Variants in CCDC6 observed in about 807,000 individuals in gnomAD.
CCDC6 encodes coiled-coil domain-containing protein 6.
In CCDC6, 20 loss-of-function variants were observed where a neutral mutation model predicts 56.6. That is an observed-to-expected ratio of 0.35 (90% CI 0.25 to 0.51). The LOEUF is 0.51. Ranked by LOEUF, CCDC6 falls within the 20% of genes least tolerant of loss-of-function variation. The pLI is 0.95. For synonymous variants in CCDC6, 241 were observed against 234.4 expected (o/e 1.03, Z -0.26); for missense variants, 367 against 601.1 (o/e 0.61, Z 4.07).
intron 1 of CCDC6, among the ~76,000 whole-genome samples, chr10:59,879,143 T>C (rs1204589224): frequency 2.0e-5 from 3 of 152,176 alleles, no homozygotes; most frequent in Non-Finnish European, 4.4e-5. Context: ...AAGGTCCACA[T>C]GACTTGACAA....
intron 1 of CCDC6, among the ~76,000 whole-genome samples, chr10:59,903,165 G>T (rs980698606): frequency 6.6e-6 from 1 of 152,192 alleles, no homozygotes. Context: ...GGGAGGGAAA[G>T]ATGAACAGAG....
intron 1 of CCDC6, among the ~76,000 whole-genome samples, chr10:59,858,347 T>C (rs974823401): frequency 6.6e-6 from 1 of 152,216 alleles, no homozygotes; most frequent in African/African-American, 2.4e-5. Context: ...ATTCATATTA[T>C]TTACTCCATT....
chr10:59,856,418 C>A (rs903018285), intron 1 of CCDC6, among the ~76,000 whole-genome samples: 3 of 151,772 alleles, frequency 2.0e-5, no homozygotes, highest in Non-Finnish European at 4.4e-5. Context: ...AGAGAATGAA[C>A]CATGCATCAT....
rs538887936 is a variant in CCDC6 at position 59,869,117 on chromosome 10, A to G, written c.304-16415T>C. ...TTCAAAAGCCAATGGGAGCCATAGG[A>G]AAGAGCACACTTCATCCCTACCACG... On this transcript the variant is annotated intron_variant, in intron 1 of 8. Coordinates refer to ENST00000263102, the MANE Select transcript of CCDC6 (RefSeq NM_005436.5). 9.2e-5 allele frequency among the ~76,000 whole-genome samples: 14 copies of G among 152,184 alleles called. No individual in the cohort carries two copies. The East Asian group carries it at 2.3e-3, about 25-fold the overall frequency.
chr10:59,864,574 A>T (rs2071161580), intron 1 of CCDC6, among the ~76,000 whole-genome samples: 1 of 152,146 alleles, frequency 6.6e-6, no homozygotes, highest in Non-Finnish European at 1.5e-5. Context: ...TTCTGCCAGA[A>T]CAAGCTTACT....
At position 59,906,444 on chromosome 10, in the gene CCDC6, AAGG is replaced by A. The variant is rs773935603; in HGVS notation, c.-23_-21del. The A allele has an allele frequency of 1.0e-5, 15 of 1,492,724 alleles. No individual in the cohort carries two copies. In the Admixed American group the frequency reaches 1.6e-4, roughly 16 times the overall value. The allele number at this position is 1,492,724 out of a possible 1,614,324, so 92.5% of individuals were successfully genotyped here. A position where few individuals can be genotyped will look rare whatever the true frequency, so the allele number is the denominator to read the frequency against. On this transcript the variant is annotated 5_prime_UTR_variant, in exon 1 of 9. Transcript: ENST00000263102. ...CGCCATGGCCGCGGCGGGCTGGGGAAAGGAGGAGGAGCAGCAGGGAGGCGGCGG... is the reference window on the plus strand; with the variant it reads ...CGCCATGGCCGCGGCGGGCTGGGGAAAGGAGGAGCAGCAGGGAGGCGGCGG...
chr10:59,832,555 G>A lies in CCDC6; in HGVS notation c.552C>T (p.Asp184=), dbSNP rs780376874. The change falls in exon 3 of 9, where the codon GAC becomes GAT. Residue 184 remains aspartate (D), a synonymous_variant. Transcript: ENST00000263102. ...CTAATGTAAGTTGCTTAGAAATGGT[G>A]TCATTCTCCAGTTTTTTAATTTTCT... ...LMKKIKKLEN[D]TISKQLTLEQ... The A allele has an allele frequency of 8.7e-6, 14 of 1,613,286 alleles. No individual in the cohort carries two copies. The highest frequency in any genetic ancestry group is 1.1e-5 in the Non-Finnish European group (13 of 1,179,368).
chr10:59,806,902 C>A lies in CCDC6; in HGVS notation c.1004+20G>T. 6.2e-7 allele frequency: 1 copy of A among 1,606,730 alleles called. No individual in the cohort carries two copies. The highest frequency in any genetic ancestry group is 8.5e-7 in the Non-Finnish European group (1 of 1,177,076). On this transcript the variant is annotated intron_variant, in intron 6 of 8. Transcript: ENST00000263102. ...TTTTATTTTTTAAACAAAAACAAGG[C>A]TCATAAGACATGCACACACCTTTCG... is the stretch of plus-strand genomic sequence containing the variant.
chr10:59,853,267 T>G (rs1209162744), intron 1 of CCDC6, among the ~76,000 whole-genome samples: 1 of 152,190 alleles, frequency 6.6e-6, no homozygotes, highest in African/African-American at 2.4e-5. Context: ...GTGCAGTGAC[T>G]TACACATGTA....
At position 59,794,705 on chromosome 10, in the gene CCDC6, C is replaced by A. The variant is rs148666580; in HGVS notation, c.1106-108G>T. 0.01 allele frequency: 8,893 copies of A among 858,240 alleles called. 73 individuals carry two copies. The highest frequency in any genetic ancestry group is 0.025 in the Middle Eastern group (85 of 3,366). The allele number at this position is 858,240 out of a possible 1,614,324, so 53.2% of individuals were successfully genotyped here. On this transcript the variant is annotated intron_variant, in intron 7 of 8. Transcript: ENST00000263102. ...TAGTTCTCTATCACCCACAAAAATA[C>A]AAACAGATGAAAAGAATGATGGGCT...
rs549210792 is a variant in CCDC6 at position 59,789,713 on chromosome 10, A to T, written c.*3204T>A. On this transcript the variant is annotated 3_prime_UTR_variant, in exon 9 of 9. Transcript: ENST00000263102. ...ACAGAAATATTTCTTCTGTACTGAT[A>T]AGATACAAATATTGAGCTCTCAAAG... 4.5e-6 allele frequency: 1 copy of T among 223,062 alleles called. No individual in the cohort carries two copies. Among genetic ancestry groups the T allele is most frequent in the Admixed American group, 5.7e-5 (1 of 17,446 alleles). The allele number at this position is 223,062 out of a possible 1,614,324, so 13.8% of individuals were successfully genotyped here.
chr10:59,831,327 T>A (rs1454353546), intron 3 of CCDC6, among the ~76,000 whole-genome samples: 2 of 152,208 alleles, frequency 1.3e-5, no homozygotes, highest in Admixed American at 1.3e-4. Context: ...CCTAGTACCA[T>A]TCCCTGCTTT....
chr10:59,879,265 C>T (rs1329353436), intron 1 of CCDC6, among the ~76,000 whole-genome samples: 1 of 152,142 alleles, frequency 6.6e-6, no homozygotes, highest in African/African-American at 2.4e-5. Flanking sequence ...CTGTTCAGAA[C>T]ACTTACTTAG....
chr10:59,898,297 A>G (rs1589066282), intron 1 of CCDC6, among the ~76,000 whole-genome samples: 2 of 152,246 alleles, frequency 1.3e-5, no homozygotes, highest in African/African-American at 2.4e-5. Flanking sequence ...ACAAAAATTA[A>G]AAACAAACCA....
intron 7 of CCDC6, among the ~76,000 whole-genome samples, chr10:59,803,782 G>A (rs1420803665): frequency 2.0e-5 from 3 of 152,172 alleles, no homozygotes; most frequent in East Asian, 3.9e-4. Flanking sequence ...CCAGAAGCAG[G>A]CTGCCTGACA....
intron 3 of CCDC6, among the ~76,000 whole-genome samples, chr10:59,829,328 T>C (rs562373316): frequency 8.5e-5 from 13 of 152,374 alleles, no homozygotes; most frequent in African/African-American, 3.1e-4. Flanking sequence ...GTTCACCCAC[T>C]ACATGCAAAG....
At chr10:59,793,672 T>C (rs2070487144) in intron 8 of CCDC6, among the ~76,000 whole-genome samples, 1 of 151,700 alleles carries the variant, frequency 6.6e-6, no homozygotes, top group African/African-American at 2.4e-5. Flanking sequence ...TAATACCAGC[T>C]ACTCGGGAGG....
At chr10:59,890,183 G>A (rs541404463) in intron 1 of CCDC6, among the ~76,000 whole-genome samples, 2 of 152,266 alleles carry the variant, frequency 1.3e-5, no homozygotes, top group South Asian at 2.1e-4. Flanking sequence ...GCAGGCTGGC[G>A]AGGAAAGGAG....
At chr10:59,842,043 A>C (rs1237169052) in intron 2 of CCDC6, among the ~76,000 whole-genome samples, 2 of 149,166 alleles carry the variant, frequency 1.3e-5, no homozygotes, top group Non-Finnish European at 3.0e-5. Context: ...CCTTTTTGTA[A>C]ACACTTTATT....
Sources: gnomAD v4.1 joint callset for allele counts (sites outside exome capture counted in the v4.1 genomes callset) on GRCh38, gnomAD v4.1.1 for gene constraint, MANE v1.5 for transcripts, NCBI Gene and HGNC (gene_info 2026-07-23, HGNC 2026-07-21) for gene names.